PNISR: variants seen among roughly 807,000 people sequenced by gnomAD.
The protein encoded by PNISR is arginine/serine-rich protein PNISR.
A neutral mutation model predicts 93.4 loss-of-function variants in PNISR; 20 were observed. The ratio of observed to expected loss-of-function variants is 0.21; its 90% CI spans 0.15 to 0.31. PNISR has a LOEUF of 0.31. PNISR is among the 10% of genes least tolerant of loss of function. The probability of loss-of-function intolerance (pLI) is 1.00; values close to 1 mark genes in which losing one functional copy is unlikely to be tolerated. For synonymous variants in PNISR, 305 were observed against 306.5 expected, an observed-to-expected ratio of 0.99 and a Z score of 0.05; for missense variants, 893 against 985.4, an observed-to-expected ratio of 0.91 and a Z score of 1.25.
At chr6:99,415,106 TGAA>T (rs1460440336) in intron 2 of PNISR, 1 of 152,084 alleles carries the variant, frequency 6.6e-6, no homozygotes, top group East Asian at 1.9e-4. Context: ...GCTAAAAAAA[TGAA>T]GAATGTAGAA....
At chr6:99,420,771 C>A (rs1778447686) in intron 1 of PNISR, among the ~76,000 whole-genome samples, 1 of 152,140 alleles carries the variant, frequency 6.6e-6, no homozygotes, top group South Asian at 2.1e-4. Context: ...CTCTTCTTTA[C>A]CACTGTTTGA....
At position 99,409,108 on chromosome 6, in the gene PNISR, C is replaced by T. The variant is rs1776517027; in HGVS notation, c.673+65G>A. 3.1e-6 allele frequency: 4 copies of T among 1,271,552 alleles called. No individual in the cohort carries two copies. The African/African-American group carries it at 4.4e-5, about 14-fold the overall frequency. 78.8% of individuals were successfully genotyped at this position (1,271,552 alleles called of 1,614,324 possible). On this transcript the variant is annotated intron_variant, in intron 6 of 11. Transcript: ENST00000369239. ...CTCAAACAATTTTAAGAAAACAAGA[C>T]ATCCTTTTTATATGATAAAAAAGTC...
rs780736815 is a variant in PNISR at position 99,401,190 on chromosome 6, TTACCCTAGCCCTATTGCTCTC to T, written c.1747_1767del (p.Glu583_Val589del). 1.2e-6 allele frequency: 2 copies of T among 1,614,086 alleles called. No homozygotes were observed. The highest frequency in any genetic ancestry group is 1.7e-6 in the Non-Finnish European group (2 of 1,179,966). ...TTAGATCTCCTTCTATCTCTAATCTTTACCCTAGCCCTATTGCTCTCTATTTTAATTCTGCGAGAATAGCTT... is the reference window on the plus strand; with the variant it reads ...TTAGATCTCCTTCTATCTCTAATCTTTATTTTAATTCTGCGAGAATAGCTT... On this transcript the variant is annotated inframe_deletion, in exon 12 of 12. Transcript: ENST00000369239.
rs971919129 is a variant in PNISR, at chr6:99,414,462, A to C, written c.88+110T>G. The C allele has an allele frequency of 1.1e-4, 54 of 500,344 alleles. No individual in the cohort carries two copies. The Admixed American group carries it at 1.7e-3, about 16-fold the overall frequency. The allele number at this position is 500,344 out of a possible 1,614,324, so 31.0% of individuals were successfully genotyped here. ...TGAGAAGATTAAATTCTGACCATAA[A>C]ATGATCCAGTACACCAATCTCAATT... is the stretch of plus-strand genomic sequence containing the variant. On this transcript the variant is annotated intron_variant, in intron 3 of 11. Transcript: ENST00000369239.
Position 99,416,362 on chromosome 6 carries a change from C to T in PNISR, c.-45G>A. On this transcript the variant is annotated 5_prime_UTR_variant, in exon 2 of 12. Transcript: ENST00000369239. Reference sequence around the variant, plus strand: ...ATTTAAACTGACCTCAGAGGTTCACCTTCTGTTTAAAACTTAGGTTGATTC... The same window carrying T: ...ATTTAAACTGACCTCAGAGGTTCACTTTCTGTTTAAAACTTAGGTTGATTC... 8.4e-7 allele frequency: 1 copy of T among 1,184,934 alleles called. No individual in the cohort carries two copies. The highest frequency in any genetic ancestry group is 1.1e-6 in the Non-Finnish European group (1 of 945,306). The allele number at this position is 1,184,934 out of a possible 1,614,324, so 73.4% of individuals were successfully genotyped here.
rs1260391383 is a variant in PNISR, at chr6:99,401,245, G to A, written c.1713C>T (p.Ser571=). The change falls in exon 12 of 12, where the codon AGC becomes AGT. Residue 571 remains serine (S), a synonymous_variant. Transcript: ENST00000369239. ...SRSPTIKARR[S]RSRSYSRRIK... Reference sequence around the variant, plus strand: ...TTCTGCGAGAATAGCTTCTACTCCTGCTACGTCTAGCTTTGATTGTTGGAG... The same window carrying A: ...TTCTGCGAGAATAGCTTCTACTCCTACTACGTCTAGCTTTGATTGTTGGAG... The A allele has an allele frequency of 6.2e-7, 1 of 1,612,114 alleles. No individual in the cohort carries two copies. The highest frequency in any genetic ancestry group is 2.2e-5 in the East Asian group (1 of 44,808).
rs1779336293 is a variant in PNISR, at chr6:99,425,168, G to C, written c.-112+47C>G. The C allele has an allele frequency of 3.4e-6, 4 of 1,179,486 alleles. No homozygotes were observed. The East Asian group carries it at 1.3e-4, about 38-fold the overall frequency. 73.1% of individuals were successfully genotyped at this position (1,179,486 alleles called of 1,614,324 possible). A position where few individuals can be genotyped will look rare whatever the true frequency, so the allele number is the denominator to read the frequency against. ...CTTCGCCACAGAAACCAAGAACGTT[G>C]TAATGGTCCGGCAAGTGCCCACGTA... On this transcript the variant is annotated intron_variant, in intron 1 of 11. Transcript: ENST00000369239.
chr6:99,407,338 CAA>C (rs67886910), intron 7 of PNISR, among the ~76,000 whole-genome samples: 12 of 122,096 alleles, frequency 9.8e-5, no homozygotes, highest in Non-Finnish European at 1.6e-4. Flanking sequence ...CCTAAAAAGA[CAA>C]AAAAAAAAAA....
In PNISR at chr6:99,402,790, T is replaced by G. The variant is rs970176535; in HGVS notation, c.1157-80A>C. 21 of 1,056,368 alleles carry G rather than the reference T, an allele frequency of 2.0e-5. No homozygotes were observed. In the Admixed American group the frequency reaches 5.2e-4, roughly 26 times the overall value. The allele number at this position is 1,056,368 out of a possible 1,614,324, so 65.4% of individuals were successfully genotyped here. On this transcript the variant is annotated intron_variant, in intron 10 of 11. Transcript: ENST00000369239. ...AACTTTTCAAGGTCTGAGAAGAAAG[T>G]TCATTTCTTTTTTCATTGCCTTTTC...
intron 9 of PNISR, chr6:99,404,319 T>TA (rs1211555229): frequency 3.7e-5 from 16 of 431,448 alleles, no homozygotes; most frequent in Non-Finnish European, 5.1e-5. Context: ...TGTTATCTAT[T>TA]AAAAAAAATC....
At chr6:99,407,161 A>C (rs1401417491) in intron 7 of PNISR, among the ~76,000 whole-genome samples, 1 of 151,974 alleles carries the variant, frequency 6.6e-6, no homozygotes, top group African/African-American at 2.4e-5. Context: ...CTCTACGAAA[A>C]ATACAAAAAT....
At position 99,418,557 on chromosome 6, in the gene PNISR, T is replaced by C. The variant is rs115091569; in HGVS notation, c.-111-2129A>G. On this transcript the variant is annotated intron_variant, in intron 1 of 11. Transcript: ENST00000369239. ...TTTTCTGTATGTTTAGAACAGCCACTTCTACTTTTGCTATATTTTTAGAAG... is the reference window on the plus strand; with the variant it reads ...TTTTCTGTATGTTTAGAACAGCCACCTCTACTTTTGCTATATTTTTAGAAG... Among the ~76,000 whole-genome samples, 1,193 of 152,348 alleles carry C rather than the reference T, an allele frequency of 7.8e-3. 18 individuals are homozygous for C. Among genetic ancestry groups the C allele is most frequent in the African/African-American group, 0.027 (1,131 of 41,582 alleles).
At position 99,412,658 on chromosome 6, in the gene PNISR, G is replaced by GGTT. The variant is rs774099625; in HGVS notation, c.167_169dup (p.Gln56dup). 5.6e-6 allele frequency: 9 copies of GGTT among 1,612,272 alleles called. No individual in the cohort carries two copies. Among genetic ancestry groups the GGTT allele is most frequent in the Non-Finnish European group, 7.6e-6 (9 of 1,178,928 alleles). On this transcript the variant is annotated inframe_insertion, in exon 4 of 12. Transcript: ENST00000369239. ...TTGTCCATTTGGCATCATTCCTGGT[G>GGTT]GTTGTTCTACCATGCTTTGCTGTCC...
intron 5 of PNISR, 64 bp from the exon 6 acceptor site, chr6:99,409,408 T>C: frequency 6.8e-7 from 1 of 1,460,486 alleles, no homozygotes; most frequent in African/African-American, 1.4e-5. Flanking sequence ...GGGACACACG[T>C]GTGTTATGAA....
chr6:99,424,943 C>T (rs1779278452), intron 1 of PNISR: 1 of 310,574 alleles, frequency 3.2e-6, no homozygotes, highest in African/African-American at 2.2e-5. Flanking sequence ...GGTCAGGAAC[C>T]CAACAATTAG....
At chr6:99,423,670 A>T (rs2128500052) in intron 1 of PNISR, among the ~76,000 whole-genome samples, 1 of 152,342 alleles carries the variant, frequency 6.6e-6, no homozygotes, top group Admixed American at 6.5e-5. Flanking sequence ...ATCGTCTGGC[A>T]AATTCCAATA....
intron 1 of PNISR, among the ~76,000 whole-genome samples, chr6:99,423,744 T>C (rs1778977891): frequency 6.6e-6 from 1 of 152,202 alleles, no homozygotes; most frequent in South Asian, 2.1e-4. Context: ...CTGTATTAGT[T>C]TGGTATGCTT....
intron 8 of PNISR, among the ~76,000 whole-genome samples, chr6:99,405,128 G>A (rs1245639927): frequency 6.6e-6 from 1 of 151,908 alleles, no homozygotes; most frequent in African/African-American, 2.4e-5. Flanking sequence ...GCCATTTCAA[G>A]GAATAAAGTA....
intron 1 of PNISR, among the ~76,000 whole-genome samples, chr6:99,418,703 A>G (rs1778070651): frequency 6.6e-6 from 1 of 152,240 alleles, no homozygotes; most frequent in African/African-American, 2.4e-5. Flanking sequence ...GAATAAAAAT[A>G]CAGTAAAGAA....
Sources: gnomAD v4.1 joint callset for allele counts (sites outside exome capture counted in the v4.1 genomes callset) on GRCh38, gnomAD v4.1.1 for gene constraint, MANE v1.5 for transcripts, NCBI Gene and HGNC (gene_info 2026-07-23, HGNC 2026-07-21) for gene names.